Variants in DLGAP2 observed in about 807,000 individuals in gnomAD.
DLGAP2 encodes the protein DLG associated protein 2.
DLGAP2 carries 26 observed loss-of-function variants against 100.3 expected under a neutral mutation model. That is an observed-to-expected ratio of 0.26 (90% CI 0.19 to 0.36). DLGAP2 has a LOEUF of 0.36. Among genes scored for constraint, DLGAP2 ranks in the 10% least tolerant of loss-of-function variants. DLGAP2 has a pLI of 1.00. For synonymous variants in DLGAP2, 886 were observed against 630.1 expected, an observed-to-expected ratio of 1.41 and a Z score of -6.08; for missense variants, 1,858 against 1,453.2, an observed-to-expected ratio of 1.28 and a Z score of -4.53.
chr8:1,193,954 G>A lies in DLGAP2; in HGVS notation c.74-64897G>A, dbSNP rs1585139832. ...TCGTTCTCAGTAATTTAAGGTCTTT[G>A]CTGAGAGCTTGACGGGAAGGAAGTC... On this transcript the variant is annotated intron_variant, in intron 2 of 14. Coordinates refer to ENST00000637795, the MANE Select transcript of DLGAP2 (RefSeq NM_001346810.2). Among the ~76,000 whole-genome samples the A allele has an allele frequency of 2.0e-5, 3 of 152,270 alleles. No individual in the cohort carries two copies. In the South Asian group the frequency reaches 6.2e-4, roughly 32 times the overall value.
In DLGAP2 at chr8:1,581,806, G is replaced by A. The variant is rs192088588; in HGVS notation, c.1442+15912G>A. On this transcript the variant is annotated intron_variant, in intron 6 of 14. Transcript: ENST00000637795. ...ACGATACAGACAAACCCCCACACACGTCTACACACCACAGTCAAACTACCA... is the reference window on the plus strand; with the variant it reads ...ACGATACAGACAAACCCCCACACACATCTACACACCACAGTCAAACTACCA... Among the ~76,000 whole-genome samples the A allele has an allele frequency of 9.7e-3, 996 of 102,694 alleles. 16 individuals are homozygous for A. Among genetic ancestry groups the A allele is most frequent in the African/African-American group, 0.034 (885 of 25,862 alleles). 67.4% of individuals were successfully genotyped at this position (102,694 alleles called of 152,430 possible). A position where few individuals can be genotyped will look rare whatever the true frequency, so the allele number is the denominator to read the frequency against.
intron 8 of DLGAP2, among the ~76,000 whole-genome samples, chr8:1,645,351 C>A (rs986821507): frequency 6.6e-6 from 1 of 152,186 alleles, no homozygotes; most frequent in African/African-American, 2.4e-5. Flanking sequence ...ATAAAACAGG[C>A]ATTAAGTGAG....
intron 3 of DLGAP2, among the ~76,000 whole-genome samples, chr8:1,337,079 G>T (rs1801291292): frequency 6.6e-6 from 1 of 152,128 alleles, no homozygotes; most frequent in African/African-American, 2.4e-5. Context: ...ATGATGAGAA[G>T]ATAGAGAGGA....
At chr8:989,059 G>C (rs1386228372) in intron 2 of DLGAP2, among the ~76,000 whole-genome samples, 1 of 152,212 alleles carries the variant, frequency 6.6e-6, no homozygotes, top group Non-Finnish European at 1.5e-5. Context: ...TTGGCCAGGA[G>C]ACTGTTTTAA....
intron 2 of DLGAP2, among the ~76,000 whole-genome samples, chr8:979,531 A>G (rs1222386725): frequency 1.3e-5 from 2 of 152,348 alleles, no homozygotes; most frequent in East Asian, 3.9e-4. Flanking sequence ...AATTTGAGAA[A>G]AAAGTGCTTG....
chr8:1,697,031 A>C lies in DLGAP2; in HGVS notation c.2797-116A>C, dbSNP rs894519350. On this transcript the variant is annotated intron_variant, in intron 13 of 14. Transcript: ENST00000637795. Reference sequence around the variant, plus strand: ...CAAGTATCTGCCTCAGGCTGGAATTAGCCAGGCTTCTCCCTAATCCGCCTC... The same window carrying C: ...CAAGTATCTGCCTCAGGCTGGAATTCGCCAGGCTTCTCCCTAATCCGCCTC... The C allele has an allele frequency of 8.8e-6, 10 of 1,132,948 alleles. No individual in the cohort carries two copies. The Admixed American group carries it at 3.2e-4, about 37-fold the overall frequency. 70.2% of individuals were successfully genotyped at this position (1,132,948 alleles called of 1,614,324 possible). A position where few individuals can be genotyped will look rare whatever the true frequency, so the allele number is the denominator to read the frequency against.
intron 2 of DLGAP2, among the ~76,000 whole-genome samples, chr8:1,119,199 C>G (rs543397455): frequency 1.2e-3 from 185 of 152,362 alleles, no homozygotes; most frequent in African/African-American, 4.2e-3. Flanking sequence ...GCACTTAAGG[C>G]ATGCAATTTG....
At chr8:1,526,220 C>G (rs925756392) in intron 4 of DLGAP2, among the ~76,000 whole-genome samples, 3 of 151,656 alleles carry the variant, frequency 2.0e-5, no homozygotes, top group Non-Finnish European at 4.4e-5. Context: ...ATTGACTCCC[C>G]AGGTGGACGT....
At chr8:1,495,565 C>T (rs141010711) in intron 3 of DLGAP2, among the ~76,000 whole-genome samples, 1 of 152,218 alleles carries the variant, frequency 6.6e-6, no homozygotes, top group Non-Finnish European at 1.5e-5. Context: ...GCTGAGACCA[C>T]AGTGTGCTCG....
chr8:1,315,159 A>G (rs185339739), intron 3 of DLGAP2, among the ~76,000 whole-genome samples: 25 of 152,388 alleles, frequency 1.6e-4, no homozygotes, highest in African/African-American at 5.8e-4. Context: ...GAGAAAGTCA[A>G]GAAATAACTT....
chr8:838,173 G>A (rs947825366), intron 1 of DLGAP2, among the ~76,000 whole-genome samples: 2 of 152,060 alleles, frequency 1.3e-5, no homozygotes, highest in African/African-American at 2.4e-5. Context: ...TAATTTAAGG[G>A]ATGCTGGCAT....
chr8:1,676,498 T>C, intron 10 of DLGAP2, 35 bp from the exon 11 acceptor site: 2 of 1,596,688 alleles, frequency 1.3e-6, no homozygotes, highest in East Asian at 4.5e-5. Context: ...GCCCCATGTT[T>C]CAGTTCTAAA....
At chr8:890,448 A>T (rs1798012099) in intron 1 of DLGAP2, among the ~76,000 whole-genome samples, 1 of 151,638 alleles carries the variant, frequency 6.6e-6, no homozygotes, top group African/African-American at 2.4e-5. Flanking sequence ...CTCCAGCCTG[A>T]TGGAAGGTTG....
intron 2 of DLGAP2, among the ~76,000 whole-genome samples, chr8:1,150,866 T>C (rs1796685725): frequency 6.6e-6 from 1 of 152,220 alleles, no homozygotes; most frequent in Admixed American, 6.5e-5. Flanking sequence ...ACTTCTCAAA[T>C]AAGTTTTTCT....
chr8:1,379,439 G>C (rs1796039666), intron 3 of DLGAP2, among the ~76,000 whole-genome samples: 1 of 152,220 alleles, frequency 6.6e-6, no homozygotes, highest in African/African-American at 2.4e-5. Flanking sequence ...CTCAGACCAA[G>C]GCAGCCTCCG....
At chr8:1,078,270 G>C (rs558299090) in intron 2 of DLGAP2, among the ~76,000 whole-genome samples, 1 of 152,284 alleles carries the variant, frequency 6.6e-6, no homozygotes, top group Admixed American at 6.5e-5. Flanking sequence ...TTTAAGAGCA[G>C]GTTTAGGTTC....
At chr8:1,201,847 G>C (rs950458185) in intron 2 of DLGAP2, among the ~76,000 whole-genome samples, 1 of 151,946 alleles carries the variant, frequency 6.6e-6, no homozygotes, top group Non-Finnish European at 1.5e-5. Flanking sequence ...ACACATGTGT[G>C]TATGTGTACG....
chr8:1,280,668 A>G (rs1799797131), intron 3 of DLGAP2, among the ~76,000 whole-genome samples: 1 of 152,214 alleles, frequency 6.6e-6, no homozygotes, highest in African/African-American at 2.4e-5. Context: ...GAGCAGGTGC[A>G]TGGGCCATGG....
At chr8:840,566 C>T (rs372341292) in intron 1 of DLGAP2, among the ~76,000 whole-genome samples, 158 of 29,814 alleles carry the variant, frequency 5.3e-3, no homozygotes, top group Middle Eastern at 0.022. Context: ...CGAGCGCGTC[C>T]ACACGGTGCA....
Sources: allele counts gnomAD v4.1 joint callset (sites outside exome capture counted in the v4.1 genomes callset), GRCh38; gene constraint gnomAD v4.1.1; transcripts MANE v1.5; gene names NCBI Gene and HGNC (gene_info 2026-07-23, HGNC 2026-07-21).